Variants in CAMK4 observed in about 807,000 individuals in gnomAD.
CAMK4 encodes calcium/calmodulin-dependent protein kinase type IV.
A neutral mutation model predicts 44.9 loss-of-function variants in CAMK4; 22 were observed. That is an observed-to-expected ratio of 0.49 (90% CI 0.35 to 0.70). The LOEUF (loss-of-function observed/expected upper bound fraction) is 0.70, where lower values mean the gene tolerates loss of function less well. Among genes scored for constraint, CAMK4 ranks in the 30% least tolerant of loss-of-function variants. The pLI, the probability that CAMK4 is intolerant of heterozygous loss-of-function variation, is 0.01. For synonymous variants in CAMK4, 218 were observed against 215.4 expected (o/e 1.01, Z -0.11); for missense variants, 498 against 586.8 (o/e 0.85, Z 1.56).
chr5:111,454,828 G>A (rs922225824), intron 7 of CAMK4, among the ~76,000 whole-genome samples: 1 of 149,912 alleles, frequency 6.7e-6, no homozygotes, highest in African/African-American at 2.4e-5. Context: ...AGTTGTTAGA[G>A]TAGAAAAGAA....
chr5:111,377,137 T>C (rs1356730205), intron 4 of CAMK4, among the ~76,000 whole-genome samples, 195 bp downstream of exon 4: 1 of 152,118 alleles, frequency 6.6e-6, no homozygotes, highest in African/African-American at 2.4e-5. Flanking sequence ...AAACTTGAGA[T>C]ATTTAGTGAG....
chr5:111,240,013 C>T (rs566447869), intron 1 of CAMK4, among the ~76,000 whole-genome samples: 13 of 152,026 alleles, frequency 8.6e-5, no homozygotes, highest in African/African-American at 1.9e-4. Flanking sequence ...GTAGTATAAC[C>T]GTAAGATTTT....
At chr5:111,384,963 C>G (rs1294804161) in intron 4 of CAMK4, among the ~76,000 whole-genome samples, 2 of 152,150 alleles carry the variant, frequency 1.3e-5, no homozygotes, top group Non-Finnish European at 2.9e-5. Flanking sequence ...TCTCTTCCCA[C>G]CAATGTATTA....
intron 1 of CAMK4, among the ~76,000 whole-genome samples, chr5:111,249,538 A>G (rs1749385237): frequency 6.6e-6 from 1 of 151,154 alleles, no homozygotes; most frequent in Non-Finnish European, 1.5e-5. Context: ...ATGTTAGATA[A>G]ACAAAAGGCT....
chr5:111,377,750 A>T (rs1331334865), intron 4 of CAMK4, among the ~76,000 whole-genome samples: 5 of 152,132 alleles, frequency 3.3e-5, no homozygotes, highest in Non-Finnish European at 7.4e-5. Flanking sequence ...TATATTAGAA[A>T]TGGTAAGAAG....
chr5:111,420,448 T>C (rs1443193048), intron 5 of CAMK4, among the ~76,000 whole-genome samples: 1 of 152,166 alleles, frequency 6.6e-6, no homozygotes, highest in South Asian at 2.1e-4. Context: ...TCCTGCCTAA[T>C]TGCCCTGGTC....
At chr5:111,327,125 A>G (rs1176320063) in intron 1 of CAMK4, among the ~76,000 whole-genome samples, 1 of 151,688 alleles carries the variant, frequency 6.6e-6, no homozygotes, top group African/African-American at 2.4e-5. Context: ...GTCATTTAGC[A>G]TTAGGTATAT....
intron 5 of CAMK4, among the ~76,000 whole-genome samples, chr5:111,433,527 T>C (rs1484028228): frequency 6.6e-6 from 1 of 152,172 alleles, no homozygotes; most frequent in Admixed American, 6.5e-5. Context: ...CACATCATTA[T>C]TTCCCCTGCA....
At chr5:111,362,989 A>G (rs1442280985) in intron 2 of CAMK4, among the ~76,000 whole-genome samples, 3 of 152,072 alleles carry the variant, frequency 2.0e-5, no homozygotes, top group South Asian at 2.1e-4. Context: ...ATGATGGAAC[A>G]CTCAAATTAA....
At chr5:111,361,930 T>C (rs1157507068) in intron 2 of CAMK4, among the ~76,000 whole-genome samples, 1 of 152,082 alleles carries the variant, frequency 6.6e-6, no homozygotes, top group East Asian at 1.9e-4. Context: ...TTTCTCTGAC[T>C]GGGGTGGAAC....
At position 111,494,731 on chromosome 5, in the gene CAMK4, G is replaced by A. The variant is rs1222379050; in HGVS notation, c.*10265G>A. 1 of 152,114 alleles carries A rather than the reference G, an allele frequency of 6.6e-6. No homozygotes were observed. 9.4% of individuals were successfully genotyped at this position (152,114 alleles called of 1,614,324 possible). On this transcript the variant is annotated 3_prime_UTR_variant, in exon 11 of 11. Transcript: ENST00000282356. ...AAAAATGGGTGTTGGAAGACTAATT[G>A]TAGAAATTTGACCTGAGGGCCAATG...
At chr5:111,278,264 G>T (rs930803102) in intron 1 of CAMK4, among the ~76,000 whole-genome samples, 26 of 152,302 alleles carry the variant, frequency 1.7e-4, no homozygotes, top group African/African-American at 5.8e-4. Flanking sequence ...GGACACGTGG[G>T]AGTGCCTACC....
intron 1 of CAMK4, among the ~76,000 whole-genome samples, chr5:111,312,076 GTTATGAATTT>G (rs1474259848): frequency 6.6e-6 from 1 of 152,068 alleles, no homozygotes; most frequent in East Asian, 1.9e-4. Flanking sequence ...TGATTTTCTA[GTTATGAATTT>G]TCATACAAAG....
At chr5:111,228,625 T>C (rs1207803718) in intron 1 of CAMK4, among the ~76,000 whole-genome samples, 3 of 148,666 alleles carry the variant, frequency 2.0e-5, no homozygotes, top group Middle Eastern at 3.2e-3. Context: ...TATTATATGC[T>C]GTTTGATTTC....
At chr5:111,451,734 A>G (rs1754244660) in intron 7 of CAMK4, among the ~76,000 whole-genome samples, 2 of 152,064 alleles carry the variant, frequency 1.3e-5, no homozygotes, top group South Asian at 4.2e-4. Context: ...TGAAAAAAAA[A>G]ACAACAACAA....
chr5:111,273,758 TACAC>T lies in CAMK4; in HGVS notation c.161+49122_161+49125del, dbSNP rs370210104. Among the ~76,000 whole-genome samples, 548 of 121,356 alleles carry T rather than the reference TACAC, an allele frequency of 4.5e-3. 36 individuals carry two copies. In the East Asian group the frequency reaches 0.11, roughly 25 times the overall value. The allele number at this position is 121,356 out of a possible 152,430, so 79.6% of individuals were successfully genotyped here. A position where few individuals can be genotyped will look rare whatever the true frequency, so the allele number is the denominator to read the frequency against. On this transcript the variant is annotated intron_variant, in intron 1 of 10. Coordinates refer to ENST00000282356, the MANE Select transcript of CAMK4 (RefSeq NM_001744.6). The stretch of plus-strand genomic sequence containing the variant: ...ACACACACACACGCTCACACACACA[TACAC>T]ACACACATATATACACACACATACA...
At position 111,446,707 on chromosome 5, in the gene CAMK4, G is replaced by A; in HGVS notation, c.481G>A (p.Val161Ile). 2 of 1,592,452 alleles carry A rather than the reference G, an allele frequency of 1.3e-6. No individual in the cohort carries two copies. Among genetic ancestry groups the A allele is most frequent in the East Asian group, 2.2e-5 (1 of 44,662 alleles). ...AVAYLHENGI[V>I]HRDLKPENLL... is the part of the protein sequence containing the mutation. ...TTAGTATCTACATGAAAATGGGATTGTCCATCGTGATCTCAAACCAGAGAA... is the reference window on the plus strand; with the variant it reads ...TTAGTATCTACATGAAAATGGGATTATCCATCGTGATCTCAAACCAGAGAA... The change falls in exon 6 of 11, where the codon GTC (valine) becomes ATC (isoleucine). Residue 161 changes from valine to isoleucine, a missense_variant. Val to Ile is a conservative substitution (Grantham distance 29, BLOSUM62 3). Around this residue, in one of 3 missense-constraint regions of CAMK4, gnomAD observed 203 missense variants for 298.2 expected, o/e 0.68. Coordinates refer to ENST00000282356, the MANE Select transcript of CAMK4 (RefSeq NM_001744.6).
At chr5:111,395,018 T>C (rs969980900) in intron 5 of CAMK4, among the ~76,000 whole-genome samples, 1 of 151,888 alleles carries the variant, frequency 6.6e-6, no homozygotes, top group East Asian at 1.9e-4. Flanking sequence ...AGACCAGCCT[T>C]GCCAACATGG....
At chr5:111,412,716 A>T (rs1263702724) in intron 5 of CAMK4, among the ~76,000 whole-genome samples, 1 of 152,226 alleles carries the variant, frequency 6.6e-6, no homozygotes, top group Non-Finnish European at 1.5e-5. Context: ...ATTGAGGACT[A>T]GCTAGAACAG....
Sources: allele counts gnomAD v4.1 joint callset (sites outside exome capture counted in the v4.1 genomes callset), GRCh38; gene constraint gnomAD v4.1.1; regional missense constraint gnomAD v4.1.1; transcripts MANE v1.5; gene names NCBI Gene and HGNC (gene_info 2026-07-23, HGNC 2026-07-21).